PUS7: variants seen among roughly 807,000 people sequenced by gnomAD.
The protein encoded by PUS7 is pseudouridine synthase 7.
Under a neutral mutation model 79.8 loss-of-function variants are expected in PUS7, and 48 were observed. That is an observed-to-expected ratio of 0.60 (90% CI 0.48 to 0.76). The LOEUF is 0.76. Ranked by LOEUF, PUS7 falls within the 30% of genes least tolerant of loss-of-function variation. PUS7 has a pLI of 0.00. For missense variants in PUS7, 729 were observed against 797.6 expected (o/e 0.91, Z 1.04); for synonymous variants, 286 against 272.2 (o/e 1.05, Z -0.50).
intron 11 of PUS7, among the ~76,000 whole-genome samples, chr7:105,469,240 C>G (rs1823779633): frequency 2.0e-5 from 3 of 151,860 alleles, no homozygotes; most frequent in African/African-American, 4.8e-5. Context: ...TTTTCTTTTT[C>G]TTTTTAATCT....
chr7:105,480,818 A>G (rs1824290687), intron 9 of PUS7, among the ~76,000 whole-genome samples: 1 of 152,006 alleles, frequency 6.6e-6, no homozygotes, highest in Non-Finnish European at 1.5e-5. Flanking sequence ...AAATAAAAAT[A>G]GAACCCCTGG....
At chr7:105,475,071 A>G (rs1393929665) in intron 9 of PUS7, among the ~76,000 whole-genome samples, 1 of 152,228 alleles carries the variant, frequency 6.6e-6, no homozygotes, top group Non-Finnish European at 1.5e-5. Context: ...GGACTTTTCA[A>G]CACCTTTAAG....
intron 5 of PUS7, among the ~76,000 whole-genome samples, chr7:105,495,707 T>C (rs984491550): frequency 6.6e-6 from 1 of 152,038 alleles, no homozygotes; most frequent in Non-Finnish European, 1.5e-5. Flanking sequence ...ATCATGCTAC[T>C]GCACTCCAGC....
chr7:105,495,207 G>A lies in PUS7; in HGVS notation c.777C>T (p.His259=). 1.2e-6 allele frequency: 2 copies of A among 1,612,868 alleles called. No homozygotes were observed. Among genetic ancestry groups the A allele is most frequent in the Non-Finnish European group, 1.7e-6 (2 of 1,179,360 alleles). The part of the protein sequence containing the change: ...SWPKSRGSYC[H]FVLYKENKDT... ...CTTTGTTTTCCTTATATAGTACGAA[G>A]TGGCAGTAACTTCCCCTAGATTTTG... is the stretch of plus-strand genomic sequence containing the variant. The change falls in exon 6 of 16, where the codon CAC becomes CAT. Residue 259 remains histidine, a synonymous_variant. Transcript: ENST00000469408.
In PUS7 at chr7:105,493,637, G is replaced by A. The variant is rs184819454; in HGVS notation, c.842+1505C>T. Among the ~76,000 whole-genome samples, 8 of 152,288 alleles carry A rather than the reference G, an allele frequency of 5.3e-5. No homozygotes were observed. In the East Asian group the frequency reaches 1.3e-3, roughly 26 times the overall value. On this transcript the variant is annotated intron_variant, in intron 6 of 15. Coordinates refer to ENST00000469408, the MANE Select transcript of PUS7 (RefSeq NM_019042.5). Reference sequence around the variant, plus strand: ...AAAGAGGTGATTCAGTTAAAATGAGGCCATTTAGGGTGGGCACTAATCCAA... The same window carrying A: ...AAAGAGGTGATTCAGTTAAAATGAGACCATTTAGGGTGGGCACTAATCCAA...
intron 1 of PUS7, among the ~76,000 whole-genome samples, chr7:105,509,637 G>C (rs955761822): frequency 6.6e-6 from 1 of 151,728 alleles, no homozygotes; most frequent in East Asian, 1.9e-4. Context: ...AGCCTGGCTA[G>C]TTTTTTTATT....
chr7:105,486,392 C>T lies in PUS7; in HGVS notation c.921-3952G>A, dbSNP rs149328397. Among the ~76,000 whole-genome samples the T allele has an allele frequency of 1.6e-3, 244 of 152,088 alleles. 1 individual carries two copies. The highest frequency in any genetic ancestry group is 5.7e-3 in the African/African-American group (237 of 41,480). ...TTGTATATTTTCTTATCTTATATAA[C>T]TTTTTCTTCCTTTTTTAGAGACAAG... On this transcript the variant is annotated intron_variant, in intron 7 of 15. Coordinates refer to ENST00000469408, the MANE Select transcript of PUS7 (RefSeq NM_019042.5).
intron 8 of PUS7, 149 bp downstream of exon 8, chr7:105,482,163 G>T: frequency 2.2e-6 from 2 of 897,938 alleles, no homozygotes; most frequent in Non-Finnish European, 3.4e-6. Flanking sequence ...TGCTCTCCCA[G>T]CCCTGCCAGG....
intron 11 of PUS7, 183 bp downstream of exon 11, chr7:105,470,505 T>C: frequency 1.9e-6 from 1 of 521,484 alleles, no homozygotes; most frequent in South Asian, 6.0e-5. Flanking sequence ...AATGCCCGCA[T>C]CCACCCCCAA....
intron 1 of PUS7, among the ~76,000 whole-genome samples, chr7:105,513,792 T>A (rs1385542781): frequency 2.1e-5 from 3 of 141,266 alleles, no homozygotes; most frequent in African/African-American, 7.8e-5. Flanking sequence ...GAGCCGAGAT[T>A]GTGCCACTGC....
intron 13 of PUS7, among the ~76,000 whole-genome samples, chr7:105,463,820 T>A (rs941442863): frequency 3.3e-5 from 5 of 152,228 alleles, no homozygotes; most frequent in African/African-American, 1.2e-4. Flanking sequence ...AATTGTGTTT[T>A]TAAAATTAAT....
rs758876418 is a variant in PUS7, at chr7:105,508,262, T to C, written c.251A>G (p.Glu84Gly). 5.6e-6 allele frequency: 9 copies of C among 1,614,190 alleles called. No individual in the cohort carries two copies. Among genetic ancestry groups the C allele is most frequent in the Non-Finnish European group, 7.6e-6 (9 of 1,180,032 alleles). The change falls in exon 2 of 16, where the codon GAG becomes GGG. Residue 84 changes from glutamate (E) to glycine (G), a missense_variant. By Grantham distance (98) the Glu-to-Gly change is moderately conservative. Coordinates refer to ENST00000469408, the MANE Select transcript of PUS7 (RefSeq NM_019042.5). ...SEAQLEDEEE[E>G]EEDGLSEECE... ...CTCCTCTGAAAGTCCATCTTCCTCC[T>C]CTTCTTCCTCATCTTCCAACTGAGC... is the stretch of plus-strand genomic sequence containing the variant.
rs555407435 is a variant in PUS7 at position 105,460,689 on chromosome 7, C to A, written c.1758-1430G>T. Among the ~76,000 whole-genome samples the A allele has an allele frequency of 4.6e-5, 7 of 151,150 alleles. No homozygotes were observed. The East Asian group carries it at 1.4e-3, about 30-fold the overall frequency. The stretch of plus-strand genomic sequence containing the variant: ...CTAACAAGGTGAAACCCCGTCTCTA[C>A]TAAAAATACAAAAAATTAGCCGGAC... On this transcript the variant is annotated intron_variant, in intron 14 of 15. Coordinates refer to ENST00000469408, the MANE Select transcript of PUS7 (RefSeq NM_019042.5).
intron 7 of PUS7, among the ~76,000 whole-genome samples, chr7:105,488,727 A>G (rs970250760): frequency 2.6e-5 from 4 of 152,260 alleles, no homozygotes; most frequent in Admixed American, 1.3e-4. Context: ...ATAAGAATAC[A>G]TAAGTATTGC....
intron 7 of PUS7, 103 bp from the exon 8 acceptor site, chr7:105,482,543 C>A: frequency 8.2e-7 from 1 of 1,219,348 alleles, no homozygotes; most frequent in South Asian, 1.5e-5. Context: ...AGATACAGCA[C>A]ACCTATGACC....
intron 9 of PUS7, among the ~76,000 whole-genome samples, chr7:105,478,775 T>C (rs1824203662): frequency 6.6e-6 from 1 of 152,236 alleles, no homozygotes; most frequent in Non-Finnish European, 1.5e-5. Context: ...GTGTTAACAG[T>C]GCGTTTCCTT....
intron 1 of PUS7, among the ~76,000 whole-genome samples, chr7:105,519,642 T>C (rs1011216506): frequency 6.6e-6 from 1 of 152,226 alleles, no homozygotes; most frequent in Non-Finnish European, 1.5e-5. Context: ...TCTGGCATTG[T>C]TGTAGGTACT....
intron 2 of PUS7, among the ~76,000 whole-genome samples, chr7:105,506,575 A>C (rs572502819): frequency 1.3e-5 from 2 of 152,094 alleles, no homozygotes; most frequent in Admixed American, 1.3e-4. Flanking sequence ...GGCACGTGCC[A>C]CCACGCCCAG....
chr7:105,488,208 T>C lies in PUS7; in HGVS notation c.920+3332A>G, dbSNP rs867572243. 5.4e-4 allele frequency among the ~76,000 whole-genome samples: 82 copies of C among 152,328 alleles called. 1 individual carries two copies. The highest frequency in any genetic ancestry group is 1.9e-3 in the African/African-American group (80 of 41,576). ...TGACCAAGAAAAAAAAGAAATATTC[T>C]TGGTCTTCAACTATTCTAAGACTTC... On this transcript the variant is annotated intron_variant, in intron 7 of 15. Coordinates refer to ENST00000469408, the MANE Select transcript of PUS7 (RefSeq NM_019042.5).
Sources: gnomAD v4.1 joint callset for allele counts (sites outside exome capture counted in the v4.1 genomes callset) on GRCh38, gnomAD v4.1.1 for gene constraint, MANE v1.5 for transcripts, NCBI Gene and HGNC (gene_info 2026-07-23, HGNC 2026-07-21) for gene names.